The following HAT1 variants were observed in gnomAD, a reference collection of about 807,000 sequenced individuals.
The protein encoded by HAT1 is histone acetyltransferase 1.
A neutral mutation model predicts 56.6 loss-of-function variants in HAT1; 20 were observed. That is an observed-to-expected ratio of 0.35 (90% CI 0.25 to 0.51). The LOEUF is 0.51. HAT1 is among the 20% of genes least tolerant of loss of function. The probability of loss-of-function intolerance (pLI) is 0.95; values close to 1 mark genes in which losing one functional copy is unlikely to be tolerated. For missense variants in HAT1, 408 were observed against 504.3 expected (o/e 0.81, Z 1.83); for synonymous variants, 146 against 165.5 (o/e 0.88, Z 0.91).
Position 171,925,264 on chromosome 2 carries a change from G to T in HAT1, c.8-273G>T, listed in dbSNP as rs955269241. Reference sequence around the variant, plus strand: ...ATTTTTGTATTTTTAGTAGAGACGGGTTTCACCATCTTGGCGAGGCTGACC... The same window carrying T: ...ATTTTTGTATTTTTAGTAGAGACGGTTTTCACCATCTTGGCGAGGCTGACC... On this transcript the variant is annotated intron_variant, in intron 1 of 10. Transcript: ENST00000264108. Among the ~76,000 whole-genome samples, 11 of 152,134 alleles carry T rather than the reference G, an allele frequency of 7.2e-5. No homozygotes were observed. In the East Asian group the frequency reaches 2.1e-3, roughly 29 times the overall value.
In HAT1 at chr2:171,983,254, C is replaced by G. The variant is rs867790215; in HGVS notation, c.1162C>G (p.Gln388Glu). 2 of 1,602,520 alleles carry G rather than the reference C, an allele frequency of 1.2e-6. No homozygotes were observed. The highest frequency in any genetic ancestry group is 1.7e-6 in the Non-Finnish European group (2 of 1,170,556). Residue 388 changes from glutamine to glutamate, a missense_variant, in exon 11 of 11, where the codon CAA (glutamine) becomes GAA (glutamate). By Grantham distance (29) the Gln-to-Glu change is conservative. Coordinates refer to ENST00000264108, the MANE Select transcript of HAT1 (RefSeq NM_003642.4). ...RPEELTNQMN[Q>E]IEISMQHEQL... ...AGAAGAACTGACAAACCAGATGAAC[C>G]AAATAGAAATAAGCATGCAACATGA...
chr2:171,932,594 G>A (rs1686774217), intron 2 of HAT1, among the ~76,000 whole-genome samples: 1 of 152,088 alleles, frequency 6.6e-6, no homozygotes, highest in Admixed American at 6.6e-5. Context: ...AGAGCGAGGT[G>A]CAGTGGCTCA....
At chr2:171,958,926 A>T (rs1687510974) in intron 4 of HAT1, among the ~76,000 whole-genome samples, 1 of 152,218 alleles carries the variant, frequency 6.6e-6, no homozygotes, top group Non-Finnish European at 1.5e-5. Flanking sequence ...AAAAGATCTG[A>T]AGTAGTTTCA....
At chr2:171,944,051 C>T (rs533857637) in intron 2 of HAT1, among the ~76,000 whole-genome samples, 3 of 151,220 alleles carry the variant, frequency 2.0e-5, no homozygotes, top group South Asian at 4.2e-4. Context: ...AAGGCTGAGG[C>T]GGGAAGATCT....
At chr2:171,966,798 G>A in intron 7 of HAT1, 45 bp from the exon 8 acceptor site, 1 of 891,224 alleles carries the variant, frequency 1.1e-6, no homozygotes, top group African/African-American at 1.7e-5. Flanking sequence ...TTTTAAACTG[G>A]TCATGTTATG....
intron 4 of HAT1, among the ~76,000 whole-genome samples, chr2:171,961,821 G>T (rs1282408381): frequency 6.6e-6 from 1 of 150,490 alleles, no homozygotes; most frequent in African/African-American, 2.4e-5. Flanking sequence ...ACATTCTGTA[G>T]TTAAAGCTTA....
At chr2:171,977,729 C>T (rs1016546999) in intron 9 of HAT1, among the ~76,000 whole-genome samples, 8 of 151,436 alleles carry the variant, frequency 5.3e-5, no homozygotes, top group Non-Finnish European at 1.0e-4. Context: ...TGGCTTTACT[C>T]ATCTTCTAGC....
chr2:171,942,710 C>T (rs1687046971), intron 2 of HAT1, among the ~76,000 whole-genome samples: 1 of 152,046 alleles, frequency 6.6e-6, no homozygotes, highest in Non-Finnish European at 1.5e-5. Flanking sequence ...ATATATGTGA[C>T]ATATATATGT....
At chr2:171,938,255 A>G (rs1686927010) in intron 2 of HAT1, among the ~76,000 whole-genome samples, 1 of 152,040 alleles carries the variant, frequency 6.6e-6, no homozygotes, top group East Asian at 1.9e-4. Context: ...AGCAACAGTA[A>G]ATATATTCAA....
At chr2:171,970,012 T>C (rs1180399336) in intron 8 of HAT1, among the ~76,000 whole-genome samples, 1 of 152,032 alleles carries the variant, frequency 6.6e-6, no homozygotes, top group East Asian at 1.9e-4. Context: ...TTTAATTAGC[T>C]GGATATGGTG....
At chr2:171,974,196 A>G (rs1281147451) in intron 8 of HAT1, among the ~76,000 whole-genome samples, 6 of 81,330 alleles carry the variant, frequency 7.4e-5, no homozygotes, top group Admixed American at 5.7e-4. Flanking sequence ...AAAAAAAGAA[A>G]AAAAGAAAAA....
intron 2 of HAT1, among the ~76,000 whole-genome samples, chr2:171,943,435 AG>A (rs1687078968): frequency 6.8e-6 from 1 of 147,222 alleles, no homozygotes; most frequent in African/African-American, 2.5e-5. Flanking sequence ...AAAAAAAAAA[AG>A]GAAACTAAGC....
At chr2:171,933,421 T>C (rs1686792273) in intron 2 of HAT1, among the ~76,000 whole-genome samples, 1 of 152,080 alleles carries the variant, frequency 6.6e-6, no homozygotes. Context: ...ACTTTAAACT[T>C]TCCTTTTCTA....
intron 8 of HAT1, among the ~76,000 whole-genome samples, chr2:171,972,561 G>C (rs1320117697): frequency 6.6e-6 from 1 of 152,190 alleles, no homozygotes; most frequent in Non-Finnish European, 1.5e-5. Flanking sequence ...GCTGCACCTG[G>C]CCTGGCACAC....
chr2:171,976,137 A>T lies in HAT1; in HGVS notation c.824-20A>T, dbSNP rs758045958. The T allele has an allele frequency of 1.7e-5, 23 of 1,359,914 alleles. No homozygotes were observed. Among genetic ancestry groups the T allele is most frequent in the Non-Finnish European group, 2.0e-5 (21 of 1,036,118 alleles). 84.2% of individuals were successfully genotyped at this position (1,359,914 alleles called of 1,614,324 possible). A position where few individuals can be genotyped will look rare whatever the true frequency, so the allele number is the denominator to read the frequency against. Reference sequence around the variant, plus strand: ...TGAGTATCAGGGAAATGTTAATATTATTCTGCTTTATTTATTTAGCGGAAG... The same window carrying T: ...TGAGTATCAGGGAAATGTTAATATTTTTCTGCTTTATTTATTTAGCGGAAG... On this transcript the variant is annotated intron_variant, in intron 8 of 10. Transcript: ENST00000264108.
intron 2 of HAT1, among the ~76,000 whole-genome samples, chr2:171,933,571 G>A (rs1471529274): frequency 2.0e-5 from 3 of 151,140 alleles, no homozygotes; most frequent in African/African-American, 2.4e-5. Context: ...TATTGATATA[G>A]TTGCATCCTA....
intron 6 of HAT1, chr2:171,966,184 A>T: frequency 1.6e-6 from 1 of 612,278 alleles, no homozygotes. Flanking sequence ...ATTCATCTTT[A>T]TAATAGGCAA....
At chr2:171,949,665 C>G (rs1687254990) in intron 3 of HAT1, among the ~76,000 whole-genome samples, 1 of 147,726 alleles carries the variant, frequency 6.8e-6, no homozygotes, top group Non-Finnish European at 1.5e-5. Flanking sequence ...CAGAGTGAGA[C>G]TCTGTCTCAA....
intron 1 of HAT1, chr2:171,922,719 G>T (rs1363303182): frequency 1.7e-5 from 7 of 404,030 alleles, no homozygotes; most frequent in Non-Finnish European, 3.0e-5. Context: ...GGGGTTCTGC[G>T]CCTTCTGCCA....
Sources: allele counts gnomAD v4.1 joint callset (sites outside exome capture counted in the v4.1 genomes callset), GRCh38; gene constraint gnomAD v4.1.1; transcripts MANE v1.5; gene names NCBI Gene and HGNC (gene_info 2026-07-23, HGNC 2026-07-21).